Variants in WWP1 observed in about 807,000 individuals in gnomAD.
The protein encoded by WWP1 is WW domain containing E3 ubiquitin protein ligase 1, also known as NEDD4-like E3 ubiquitin-protein ligase WWP1.
Under a neutral mutation model 130.6 loss-of-function variants are expected in WWP1, and 49 were observed. That is an observed-to-expected ratio of 0.38 (90% CI 0.30 to 0.48). The LOEUF (loss-of-function observed/expected upper bound fraction) is 0.48, where lower values mean the gene tolerates loss of function less well. Among genes scored for constraint, WWP1 ranks in the 20% least tolerant of loss-of-function variants. WWP1 has a pLI of 0.99. For missense variants in WWP1, 809 were observed against 1,100.6 expected, an observed-to-expected ratio of 0.74 and a Z score of 3.75; for synonymous variants, 332 against 367.8, an observed-to-expected ratio of 0.90 and a Z score of 1.11.
At chr8:86,435,807 G>A in intron 16 of WWP1, 103 bp downstream of exon 16, 7 of 1,070,100 alleles carry the variant, frequency 6.5e-6, no homozygotes, top group Non-Finnish European at 9.5e-6. Flanking sequence ...CCAGAACACA[G>A]CTATAATAAT....
chr8:86,431,531 A>C lies in WWP1; in HGVS notation c.1472+41A>C, dbSNP rs144382154. On this transcript the variant is annotated intron_variant, in intron 13 of 24. Transcript: ENST00000517970. ...AGCCTTAAGTCGTCTTGCATATATC[A>C]GTAGGTAGAACCAACCAACCTTGAA... The C allele has an allele frequency of 1.9e-5, 30 of 1,610,902 alleles. No individual in the cohort carries two copies. The African/African-American group carries it at 2.8e-4, about 15-fold the overall frequency.
chr8:86,424,049 G>T (rs574508905), intron 9 of WWP1, among the ~76,000 whole-genome samples: 2 of 150,198 alleles, frequency 1.3e-5, no homozygotes, highest in Non-Finnish European at 3.0e-5. Flanking sequence ...CTTCCCAGAC[G>T]GGGCGGCTGC....
At chr8:86,418,625 A>G (rs1222343658) in intron 9 of WWP1, among the ~76,000 whole-genome samples, 2 of 152,196 alleles carry the variant, frequency 1.3e-5, no homozygotes, top group Non-Finnish European at 2.9e-5. Flanking sequence ...TGTAAATGGC[A>G]GGACTGAATG....
chr8:86,441,249 TG>T (rs1810576958), intron 17 of WWP1, among the ~76,000 whole-genome samples: 1 of 152,190 alleles, frequency 6.6e-6, no homozygotes, highest in Non-Finnish European at 1.5e-5. Flanking sequence ...TCCTCTTACC[TG>T]GGGTATGTCT....
chr8:86,385,543 C>A (rs1825233186), intron 5 of WWP1, among the ~76,000 whole-genome samples: 1 of 151,980 alleles, frequency 6.6e-6, no homozygotes, highest in Non-Finnish European at 1.5e-5. Context: ...GATAAAAGTC[C>A]TTGAAGGCAG....
intron 5 of WWP1, among the ~76,000 whole-genome samples, chr8:86,385,279 C>T (rs1048556240): frequency 9.9e-5 from 15 of 152,094 alleles, no homozygotes; most frequent in Non-Finnish European, 1.6e-4. Flanking sequence ...GAGGGATGTT[C>T]TGCAGTGTGT....
At chr8:86,354,908 A>G (rs1311840057) in intron 1 of WWP1, among the ~76,000 whole-genome samples, 1 of 152,144 alleles carries the variant, frequency 6.6e-6, no homozygotes, top group Non-Finnish European at 1.5e-5. Context: ...TTCTAGAAAG[A>G]GTTCCACTTT....
intron 5 of WWP1, among the ~76,000 whole-genome samples, chr8:86,383,097 A>G (rs976202499): frequency 1.3e-5 from 2 of 152,174 alleles, no homozygotes; most frequent in African/African-American, 4.8e-5. Flanking sequence ...AGTTAGTATA[A>G]ACCATAATAA....
chr8:86,389,269 A>C (rs1032950541), intron 5 of WWP1, among the ~76,000 whole-genome samples: 3 of 151,992 alleles, frequency 2.0e-5, no homozygotes, highest in African/African-American at 4.8e-5. Context: ...CATGTGAACA[A>C]GGGTCTGTGG....
At chr8:86,405,335 T>TC (rs1308148490) in intron 8 of WWP1, among the ~76,000 whole-genome samples, 10 of 151,654 alleles carry the variant, frequency 6.6e-5, no homozygotes, top group Non-Finnish European at 1.2e-4. Context: ...GATTTTTTTT[T>TC]TTTTTTTTTT....
In WWP1 at chr8:86,465,995, T is replaced by C. The variant is rs182039990; in HGVS notation, c.2670-799T>C. Among the ~76,000 whole-genome samples the C allele has an allele frequency of 2.2e-3, 329 of 152,254 alleles. 8 individuals are homozygous for C. Among genetic ancestry groups the C allele is most frequent in the Non-Finnish European group, 3.8e-4 (26 of 68,022 alleles). ...GGTAAGAAGGCACCTGGATAATCTC[T>C]AGAAACCTTCCACATGGGAAAATGA... On this transcript the variant is annotated intron_variant, in intron 24 of 24. Coordinates refer to ENST00000517970, the MANE Select transcript of WWP1 (RefSeq NM_007013.4).
chr8:86,386,725 G>T (rs1424978638), intron 5 of WWP1: 1 of 152,138 alleles, frequency 6.6e-6, no homozygotes, highest in South Asian at 2.1e-4. Flanking sequence ...GTATCATTCA[G>T]TTACAGGGAT....
intron 2 of WWP1, among the ~76,000 whole-genome samples, chr8:86,369,498 T>C (rs1824162848): frequency 1.3e-5 from 2 of 151,972 alleles, no homozygotes; most frequent in African/African-American, 4.8e-5. Flanking sequence ...AGATTGGGGG[T>C]GGGGATCAGG....
chr8:86,400,454 A>G (rs1807912098), intron 7 of WWP1, among the ~76,000 whole-genome samples: 1 of 152,148 alleles, frequency 6.6e-6, no homozygotes, highest in African/African-American at 2.4e-5. Flanking sequence ...AATGGAAGGG[A>G]GCCTATTTTT....
At position 86,403,733 on chromosome 8, in the gene WWP1, G is replaced by T. The variant is rs560440146; in HGVS notation, c.724+1530G>T. 1.9e-3 allele frequency among the ~76,000 whole-genome samples: 288 copies of T among 150,108 alleles called. 2 individuals are homozygous for T. Among genetic ancestry groups the T allele is most frequent in the African/African-American group, 6.9e-3 (280 of 40,860 alleles). ...TTCAAAATTTAATTTCTTTAATAATGCTCCCCTTAAAAAAAAAAAAAGAAG... is the reference window on the plus strand; with the variant it reads ...TTCAAAATTTAATTTCTTTAATAATTCTCCCCTTAAAAAAAAAAAAAGAAG... On this transcript the variant is annotated intron_variant, in intron 8 of 24. Coordinates refer to ENST00000517970, the MANE Select transcript of WWP1 (RefSeq NM_007013.4).
At chr8:86,462,585 C>A (rs1340647570) in intron 24 of WWP1, among the ~76,000 whole-genome samples, 2 of 152,096 alleles carry the variant, frequency 1.3e-5, no homozygotes, top group Non-Finnish European at 2.9e-5. Context: ...CCAGAAAAAT[C>A]GGCCAGAAAA....
chr8:86,451,050 A>AAAATAAAT (rs371952096), intron 20 of WWP1, among the ~76,000 whole-genome samples: 2 of 150,878 alleles, frequency 1.3e-5, no homozygotes, highest in African/African-American at 4.9e-5. Context: ...CATCTCTACA[A>AAAATAAAT]AAATAAATAA....
At chr8:86,411,393 G>T in intron 8 of WWP1, 145 bp from the exon 9 acceptor site, 1 of 636,428 alleles carries the variant, frequency 1.6e-6, no homozygotes, top group Non-Finnish European at 2.6e-6. Context: ...TACATATTTT[G>T]AAAATATTAC....
At chr8:86,421,884 C>A (rs1418242047) in intron 9 of WWP1, among the ~76,000 whole-genome samples, 1 of 151,896 alleles carries the variant, frequency 6.6e-6, no homozygotes, top group Non-Finnish European at 1.5e-5. Context: ...TCGGGAAAAG[C>A]TATTTGATCC....
Sources: gnomAD v4.1 joint callset for allele counts (sites outside exome capture counted in the v4.1 genomes callset) on GRCh38, gnomAD v4.1.1 for gene constraint, MANE v1.5 for transcripts, NCBI Gene and HGNC (gene_info 2026-07-23, HGNC 2026-07-21) for gene names.